The following SGMS1 variants were observed in gnomAD, a reference collection of about 807,000 sequenced individuals.
SGMS1 encodes phosphatidylcholine:ceramide cholinephosphotransferase 1.
Under a neutral mutation model 46.2 loss-of-function variants are expected in SGMS1, and 13 were observed. The ratio of observed to expected loss-of-function variants is 0.28; its 90% confidence interval spans 0.18 to 0.45. The LOEUF (loss-of-function observed/expected upper bound fraction) is 0.45, where lower values mean the gene tolerates loss of function less well. Among genes scored for constraint, SGMS1 ranks in the 20% least tolerant of loss-of-function variants. The pLI, the probability that SGMS1 is intolerant of heterozygous loss-of-function variation, is 1.00. For missense variants in SGMS1, 324 were observed against 519.9 expected (o/e 0.62, Z 3.66); for synonymous variants, 203 against 187.8 (o/e 1.08, Z -0.66).
chr10:50,488,234 G>A (rs916605753), intron 3 of SGMS1, among the ~76,000 whole-genome samples: 4 of 151,788 alleles, frequency 2.6e-5, no homozygotes, highest in African/African-American at 7.3e-5. Flanking sequence ...GGCTGGTCTC[G>A]AATTCCTGAC....
Position 50,451,675 on chromosome 10 carries a change from C to A in SGMS1, c.-313+8998G>T, listed in dbSNP as rs945676687. ...AACATGGGATTCTGAAGAAAAAAAACTAAAGTTCATAACAGCATGTGATTC... is the reference window on the plus strand; with the variant it reads ...AACATGGGATTCTGAAGAAAAAAAAATAAAGTTCATAACAGCATGTGATTC... On this transcript the variant is annotated intron_variant, in intron 5 of 10. Transcript: ENST00000361781. Among the ~76,000 whole-genome samples the A allele has an allele frequency of 2.0e-5, 3 of 152,182 alleles. No homozygotes were observed. In the East Asian group the frequency reaches 5.8e-4, roughly 29 times the overall value.
chr10:50,466,122 G>A (rs1837326013), intron 4 of SGMS1, among the ~76,000 whole-genome samples: 1 of 152,132 alleles, frequency 6.6e-6, no homozygotes, highest in Non-Finnish European at 1.5e-5. Context: ...ATGGCACTTA[G>A]AGCATATGAT....
chr10:50,588,471 A>G (rs1387717642), intron 2 of SGMS1, among the ~76,000 whole-genome samples: 1 of 152,146 alleles, frequency 6.6e-6, no homozygotes, highest in Non-Finnish European at 1.5e-5. Context: ...ATTGGCTATA[A>G]TGTGTAAAGA....
rs891619520 is a variant in SGMS1 at position 50,623,929 on chromosome 10, C to A, written c.-906G>T. ...GCTGCCCCGCTGGTGCGAACGCTTT[C>A]GACTTGCCACCGCGAGCCTCCCGGG... is the stretch of plus-strand genomic sequence containing the variant. On this transcript the variant is annotated 5_prime_UTR_variant, in exon 1 of 11. Transcript: ENST00000361781. 6 of 986,376 alleles carry A rather than the reference C, an allele frequency of 6.1e-6. No individual in the cohort carries two copies. The highest frequency in any genetic ancestry group is 7.2e-6 in the Non-Finnish European group (6 of 830,852). The allele number at this position is 986,376 out of a possible 1,614,324, so 61.1% of individuals were successfully genotyped here.
rs71029313 is a variant in SGMS1 at position 50,532,225 on chromosome 10, C to CTGTGTGTGTGTG, written c.-588-12316_-588-12305dup. The stretch of plus-strand genomic sequence containing the variant: ...CTCCACGGTCCCAGTCTGAATGAGA[C>CTGTGTGTGTGTG]TGTGTGTGTGTGTGTGTGTGTGTGT... On this transcript the variant is annotated intron_variant, in intron 2 of 10. Transcript: ENST00000361781. 2.2e-3 allele frequency among the ~76,000 whole-genome samples: 285 copies of CTGTGTGTGTGTG among 130,584 alleles called. 4 individuals carry two copies. The highest frequency in any genetic ancestry group is 6.1e-3 in the African/African-American group (210 of 34,186). 85.7% of individuals were successfully genotyped at this position (130,584 alleles called of 152,430 possible).
intron 2 of SGMS1, among the ~76,000 whole-genome samples, chr10:50,589,707 A>G (rs1187306801): frequency 6.6e-6 from 1 of 152,144 alleles, no homozygotes; most frequent in Non-Finnish European, 1.5e-5. Flanking sequence ...CCTGGGCTCA[A>G]GCGATCCATT....
intron 3 of SGMS1, among the ~76,000 whole-genome samples, chr10:50,503,256 G>C (rs1413586519): frequency 6.6e-6 from 1 of 152,174 alleles, no homozygotes; most frequent in African/African-American, 2.4e-5. Flanking sequence ...TGTGAAAACA[G>C]CAAAATGCTG....
At chr10:50,368,598 T>C (rs1848387320) in intron 6 of SGMS1, among the ~76,000 whole-genome samples, 1 of 152,202 alleles carries the variant, frequency 6.6e-6, no homozygotes, top group African/African-American at 2.4e-5. Context: ...TCAGGTGATC[T>C]GCCCTCCTTG....
chr10:50,596,430 G>A (rs929262560), intron 1 of SGMS1, among the ~76,000 whole-genome samples: 3 of 152,128 alleles, frequency 2.0e-5, no homozygotes, highest in South Asian at 2.1e-4. Context: ...TGCCCACCTC[G>A]GCCTCCCAAA....
In SGMS1 at chr10:50,343,892, C is replaced by T; in HGVS notation, c.223G>A (p.Ala75Thr). The T allele has an allele frequency of 1.9e-6, 3 of 1,614,154 alleles. No homozygotes were observed. The change falls in exon 7 of 11, where the codon GCA (alanine) becomes ACA (threonine). Residue 75 changes from alanine to threonine, a missense_variant. This residue lies in a region of SGMS1 where 150 missense variants were observed against 169.8 expected (regional missense o/e 0.88). Coordinates refer to ENST00000361781, the MANE Select transcript of SGMS1 (RefSeq NM_147156.4). ...ETLKMEHHLEAHKNGHANGHL... is the reference protein window; with the variant it reads ...ETLKMEHHLETHKNGHANGHL... ...CCATTGGCATGGCCGTTCTTGTGTG[C>T]TTCCAAATGGTGCTCCATTTTCAGG... is the stretch of plus-strand genomic sequence containing the variant.
At chr10:50,381,809 G>A (rs1848610621) in intron 6 of SGMS1, among the ~76,000 whole-genome samples, 1 of 152,176 alleles carries the variant, frequency 6.6e-6, no homozygotes, top group African/African-American at 2.4e-5. Context: ...TTTATCCCTT[G>A]ACCTTCTCTA....
intron 3 of SGMS1, among the ~76,000 whole-genome samples, chr10:50,506,692 A>AT (rs1240708095): frequency 6.6e-6 from 1 of 152,158 alleles, no homozygotes; most frequent in African/African-American, 2.4e-5. Context: ...AATTATCAGA[A>AT]TTTTTTTAAA....
intron 3 of SGMS1, among the ~76,000 whole-genome samples, chr10:50,517,365 G>T (rs1008280603): frequency 6.6e-6 from 1 of 152,042 alleles, no homozygotes; most frequent in Non-Finnish European, 1.5e-5. Flanking sequence ...CAGAAATAAA[G>T]ATTTTAGAAA....
intron 3 of SGMS1, among the ~76,000 whole-genome samples, chr10:50,511,122 G>T (rs183612200): frequency 7.9e-5 from 12 of 152,214 alleles, no homozygotes; most frequent in Admixed American, 7.9e-4. Context: ...TGTTTGTCCT[G>T]TTCACTCTTT....
chr10:50,562,355 T>C (rs61858112), intron 2 of SGMS1, among the ~76,000 whole-genome samples: 68,921 of 133,040 alleles, frequency 0.52, 17,732 homozygotes, highest in East Asian at 0.75. Flanking sequence ...TGTGTGTGTG[T>C]GCGCGCGCGC....
chr10:50,348,004 T>G (rs1847941613), intron 6 of SGMS1, among the ~76,000 whole-genome samples: 1 of 152,156 alleles, frequency 6.6e-6, no homozygotes, highest in South Asian at 2.1e-4. Flanking sequence ...CATTAGGTAT[T>G]TGTCCTAACG....
At chr10:50,600,097 C>G (rs1421768960) in intron 1 of SGMS1, among the ~76,000 whole-genome samples, 1 of 152,122 alleles carries the variant, frequency 6.6e-6, no homozygotes, top group Admixed American at 6.6e-5. Flanking sequence ...TTAACCAGAA[C>G]CAGAGGATTG....
Position 50,307,140 on chromosome 10 carries a change from T to C in SGMS1, c.*2A>G, listed in dbSNP as rs771269500. The C allele has an allele frequency of 5.6e-6, 9 of 1,613,520 alleles. 1 individual carries two copies. The African/African-American group carries it at 9.3e-5, about 17-fold the overall frequency. On this transcript the variant is annotated 3_prime_UTR_variant, in exon 11 of 11. Coordinates refer to ENST00000361781, the MANE Select transcript of SGMS1 (RefSeq NM_147156.4). This position sits in a 1 kb window ranked among gnomAD's most constrained non-coding sequence, Gnocchi z 4.2. ...TTGTCTTTTCCCCACTTTGTACAGC[T>C]GTTATGTGTCATTCACCAGCCGGCT...
chr10:50,624,668 C>T (rs570000124), upstream of SGMS1: 7 of 985,456 alleles, frequency 7.1e-6, no homozygotes, highest in South Asian at 3.3e-4. Context: ...GGGGTCGGAG[C>T]CCGCGCATGC....
Sources: gnomAD v4.1 joint callset for allele counts (sites outside exome capture counted in the v4.1 genomes callset) on GRCh38, gnomAD v4.1.1 for gene constraint, gnomAD v4.1.1 regional missense constraint, Gnocchi (gnomAD v3.1) non-coding constraint, MANE v1.5 for transcripts, NCBI Gene and HGNC (gene_info 2026-07-23, HGNC 2026-07-21) for gene names.